TTC7B: variants seen among roughly 807,000 people sequenced by gnomAD.
The protein encoded by TTC7B is tetratricopeptide repeat protein 7B.
A neutral mutation model predicts 106.8 loss-of-function variants in TTC7B; 28 were observed. That is an observed-to-expected ratio of 0.26 (90% CI 0.19 to 0.36). TTC7B has a LOEUF of 0.36. TTC7B is among the 10% of genes least tolerant of loss of function. The pLI is 1.00. For synonymous variants in TTC7B, 405 were observed against 430.6 expected (o/e 0.94, Z 0.74); for missense variants, 862 against 1,076.4 (o/e 0.80, Z 2.79).
At chr14:90,737,909 C>CA (rs1333226296) in intron 4 of TTC7B, among the ~76,000 whole-genome samples, 1 of 152,164 alleles carries the variant, frequency 6.6e-6, no homozygotes, top group Non-Finnish European at 1.5e-5. Context: ...CAGAGACAGA[C>CA]AGCAGATTAA....
intron 17 of TTC7B, chr14:90,605,479 G>T (rs1004201090): frequency 2.3e-5 from 21 of 925,526 alleles, no homozygotes; most frequent in African/African-American, 7.2e-5. Flanking sequence ...AAATGAGCAA[G>T]ATTTCTCTCT....
chr14:90,754,128 GA>G (rs2140009954), intron 3 of TTC7B, among the ~76,000 whole-genome samples: 1 of 152,266 alleles, frequency 6.6e-6, no homozygotes, highest in East Asian at 1.9e-4. Flanking sequence ...TACGAGGGGG[GA>G]TTTACTAAAA....
At chr14:90,643,472 T>C (rs985843772) in intron 15 of TTC7B, among the ~76,000 whole-genome samples, 1 of 152,122 alleles carries the variant, frequency 6.6e-6, no homozygotes, top group African/African-American at 2.4e-5. Flanking sequence ...AATTGTCTCA[T>C]GTGCTCCAAT....
Position 90,663,451 on chromosome 14 carries a change from T to G in TTC7B, c.1153-5064A>C, listed in dbSNP as rs1294771133. On this transcript the variant is annotated intron_variant, in intron 9 of 19. Transcript: ENST00000328459. The surrounding 1 kb of genome is among the most constrained non-coding windows in gnomAD (Gnocchi z 4.5). ...CTGTTTCAGAGACTCAGCGATATGG[T>G]TTTTTTTTTGCTGCTAATGGGGACC... 1.5e-5 allele frequency among the ~76,000 whole-genome samples: 1 copy of G among 66,458 alleles called. No homozygotes were observed. Among genetic ancestry groups the G allele is most frequent in the Non-Finnish European group, 3.2e-5 (1 of 31,656 alleles). The allele number at this position is 66,458 out of a possible 152,430, so 43.6% of individuals were successfully genotyped here.
intron 14 of TTC7B, among the ~76,000 whole-genome samples, chr14:90,646,163 T>C (rs1885439561): frequency 6.6e-6 from 1 of 152,086 alleles, no homozygotes; most frequent in East Asian, 1.9e-4. Flanking sequence ...GGAAGACAGG[T>C]GCATACCTCA....
intron 19 of TTC7B, among the ~76,000 whole-genome samples, chr14:90,560,940 T>C (rs986822911): frequency 2.0e-5 from 3 of 152,248 alleles, no homozygotes; most frequent in Admixed American, 6.5e-5. Flanking sequence ...CAGTTCTAAT[T>C]AGAGAGCCAA....
intron 19 of TTC7B, among the ~76,000 whole-genome samples, chr14:90,553,612 G>A (rs2139774936): frequency 6.6e-6 from 1 of 152,334 alleles, no homozygotes; most frequent in South Asian, 2.1e-4. Context: ...AGTTCTCTGA[G>A]TCTTCTGGAA....
intron 15 of TTC7B, among the ~76,000 whole-genome samples, chr14:90,623,420 C>T (rs1441745706): frequency 6.6e-6 from 1 of 152,162 alleles, no homozygotes; most frequent in African/African-American, 2.4e-5. Flanking sequence ...TTGAAAATCC[C>T]ACCATACTAC....
chr14:90,652,294 G>A (rs547111436), intron 13 of TTC7B, among the ~76,000 whole-genome samples: 26 of 151,840 alleles, frequency 1.7e-4, no homozygotes, highest in South Asian at 1.7e-3. Flanking sequence ...TGTGACACTC[G>A]AGCATTTTAT....
intron 2 of TTC7B, among the ~76,000 whole-genome samples, chr14:90,781,613 T>C (rs1595369185): frequency 6.6e-6 from 1 of 151,934 alleles, no homozygotes; most frequent in Admixed American, 6.6e-5. Flanking sequence ...TCCTGGTGGG[T>C]CTGGCCATGG....
intron 13 of TTC7B, among the ~76,000 whole-genome samples, chr14:90,651,039 A>G (rs1384819150): frequency 2.0e-5 from 3 of 152,252 alleles, no homozygotes; most frequent in Non-Finnish European, 2.9e-5. Context: ...TAAACAAAAA[A>G]TGCAAAACAT....
intron 6 of TTC7B, among the ~76,000 whole-genome samples, chr14:90,695,061 T>A (rs1887669773): frequency 9.3e-6 from 1 of 107,612 alleles, no homozygotes; most frequent in Non-Finnish European, 1.9e-5. Flanking sequence ...ATATTTTATT[T>A]TATTATAAAA....
intron 14 of TTC7B, 73 bp downstream of exon 14, chr14:90,646,878 C>T: frequency 2.2e-6 from 3 of 1,377,422 alleles, no homozygotes; most frequent in Non-Finnish European, 3.1e-6. Context: ...CCTACCACTT[C>T]AAACTGAAGA....
chr14:90,621,477 G>A (rs1200132621), intron 15 of TTC7B, among the ~76,000 whole-genome samples: 1 of 151,852 alleles, frequency 6.6e-6, no homozygotes, highest in Non-Finnish European at 1.5e-5. Context: ...AGCCATGCGG[G>A]TATGGCTGGA....
chr14:90,744,009 G>T (rs569340507), intron 4 of TTC7B, among the ~76,000 whole-genome samples: 2 of 152,314 alleles, frequency 1.3e-5, no homozygotes, highest in Admixed American at 1.3e-4. Flanking sequence ...GCGAAGCACT[G>T]AAGGCTGAGA....
At chr14:90,798,124 T>C (rs1399556209) in intron 1 of TTC7B, among the ~76,000 whole-genome samples, 1 of 152,174 alleles carries the variant, frequency 6.6e-6, no homozygotes, top group Non-Finnish European at 1.5e-5. Context: ...AGAACGTGCC[T>C]AGGCCAGCCC....
At chr14:90,547,983 A>C (rs1055126281) in intron 19 of TTC7B, among the ~76,000 whole-genome samples, 1 of 152,190 alleles carries the variant, frequency 6.6e-6, no homozygotes, top group Non-Finnish European at 1.5e-5. Context: ...CCTGTGGCCC[A>C]GCTCTGGGTG....
At chr14:90,790,741 C>G (rs2140045456) in intron 1 of TTC7B, among the ~76,000 whole-genome samples, 1 of 152,242 alleles carries the variant, frequency 6.6e-6, no homozygotes, top group South Asian at 2.1e-4. Flanking sequence ...GACTTACCCT[C>G]TCAGAGCCAC....
chr14:90,638,183 C>G (rs1885026286), intron 15 of TTC7B, among the ~76,000 whole-genome samples: 1 of 152,066 alleles, frequency 6.6e-6, no homozygotes, highest in South Asian at 2.1e-4. Flanking sequence ...CTGCACCCAG[C>G]TAAATGTAAT....
Sources: allele counts gnomAD v4.1 joint callset (sites outside exome capture counted in the v4.1 genomes callset), GRCh38; gene constraint gnomAD v4.1.1; non-coding constraint Gnocchi (gnomAD v3.1); transcripts MANE v1.5; gene names NCBI Gene and HGNC (gene_info 2026-07-23, HGNC 2026-07-21).